The following SPATA6L variants were observed in gnomAD, a reference collection of about 807,000 sequenced individuals.
The protein encoded by SPATA6L is spermatogenesis associated 6 like, also known as spermatogenesis associated 6-like protein.
In SPATA6L, 68 loss-of-function variants were observed where a neutral mutation model predicts 49.2. The observed-to-expected ratio is 1.38, with a 90% CI of 1.14 to 1.69. The LOEUF is 1.69. SPATA6L is among the 40% of genes most tolerant of loss of function. SPATA6L has a pLI of 0.00. For synonymous variants in SPATA6L, 198 were observed against 165.7 expected (o/e 1.19, Z -1.50); for missense variants, 668 against 464.3 (o/e 1.44, Z -4.03).
At chr9:4,659,395 G>C (rs955676066) in intron 2 of SPATA6L, among the ~76,000 whole-genome samples, 7 of 151,698 alleles carry the variant, frequency 4.6e-5, no homozygotes, top group African/African-American at 1.7e-4. Flanking sequence ...GACAAACAGA[G>C]AGCGAAATCA....
chr9:4,656,483 A>G (rs1838242740), intron 2 of SPATA6L, among the ~76,000 whole-genome samples: 1 of 148,404 alleles, frequency 6.7e-6, no homozygotes, highest in Non-Finnish European at 1.5e-5. Flanking sequence ...GAAGGAAGGA[A>G]GGAAGGAAGG....
In SPATA6L at chr9:4,635,325, G is replaced by A. The variant is rs201403770; in HGVS notation, c.301C>T (p.His101Tyr). The A allele has an allele frequency of 1.9e-5, 30 of 1,590,100 alleles. No individual in the cohort carries two copies. Among genetic ancestry groups the A allele is most frequent in the African/African-American group, 4.1e-5 (3 of 72,878 alleles). ...LFPEPKLTPS[H>Y]PRRCREVLMK... The stretch of plus-strand genomic sequence containing the variant: ...AGCACCTCCCTACACCTCCTAGGGT[G>A]CGAAGGTGTCAGCTTGGGCTCTGGG... The change falls in exon 4 of 12, where the codon CAC becomes TAC. Residue 101 changes from histidine (H) to tyrosine (Y), a missense_variant. By Grantham distance (83) the His-to-Tyr change is moderately conservative. Coordinates refer to ENST00000682582, the MANE Select transcript of SPATA6L (RefSeq NM_001353486.2).
At chr9:4,645,108 C>G (rs1477868076) in intron 3 of SPATA6L, among the ~76,000 whole-genome samples, 1 of 152,182 alleles carries the variant, frequency 6.6e-6, no homozygotes, top group Non-Finnish European at 1.5e-5. Flanking sequence ...TTTCACATCA[C>G]TAAATATTCA....
At chr9:4,651,170 T>C (rs1836762161) in intron 3 of SPATA6L, among the ~76,000 whole-genome samples, 1 of 151,586 alleles carries the variant, frequency 6.6e-6, no homozygotes, top group African/African-American at 2.4e-5. Context: ...ACCCCACTAA[T>C]TGTTGTTGTT....
chr9:4,603,733 G>A (rs767352951), intron 11 of SPATA6L, among the ~76,000 whole-genome samples: 1 of 152,130 alleles, frequency 6.6e-6, no homozygotes, highest in Non-Finnish European at 1.5e-5. Flanking sequence ...ATTTATGAAG[G>A]AAAAATGCTG....
At chr9:4,605,256 T>C (rs1824458327) in intron 10 of SPATA6L, 91 bp downstream of exon 10, 2 of 958,936 alleles carry the variant, frequency 2.1e-6, no homozygotes, top group Middle Eastern at 2.2e-4. Flanking sequence ...CTGTGGTTAT[T>C]TGATTAATGT....
Position 4,598,881 on chromosome 9 carries a change from G to T in SPATA6L, c.*1930C>A, listed in dbSNP as rs17814462. Among the ~76,000 whole-genome samples, 3,410 of 152,356 alleles carry T rather than the reference G, an allele frequency of 0.022. 50 individuals are homozygous for T. Among genetic ancestry groups the T allele is most frequent in the Non-Finnish European group, 0.035 (2,394 of 68,040 alleles). ...TTAGCATATGTAATTTAAGCTTGCT[G>T]TTGGCCTTGCCAAGGTGGAATGCTG... On this transcript the variant is annotated 3_prime_UTR_variant, in exon 12 of 12. Transcript: ENST00000682582.
At chr9:4,636,307 T>C (rs1832796953) in intron 3 of SPATA6L, among the ~76,000 whole-genome samples, 2 of 152,196 alleles carry the variant, frequency 1.3e-5, no homozygotes. Context: ...ACCACTTTCA[T>C]TTTTCCTTTA....
chr9:4,666,198 C>A lies in SPATA6L; in HGVS notation c.39+14G>T, dbSNP rs1036410961. 1 of 1,614,000 alleles carries A rather than the reference C, an allele frequency of 6.2e-7. No individual in the cohort carries two copies. The highest frequency in any genetic ancestry group is 8.5e-7 in the Non-Finnish European group (1 of 1,179,942). ...GACTTGAGGTTAAGGAGGGGGAGTT[C>A]ATCGATCTCTTACCGCCCGGATCTG... On this transcript the variant is annotated intron_variant, in intron 1 of 11. Coordinates refer to ENST00000682582, the MANE Select transcript of SPATA6L (RefSeq NM_001353486.2).
chr9:4,611,050 CTCA>C (rs1214178607), intron 9 of SPATA6L, among the ~76,000 whole-genome samples: 1 of 147,844 alleles, frequency 6.8e-6, no homozygotes, highest in Non-Finnish European at 1.5e-5. Flanking sequence ...TGAAAAAATG[CTCA>C]TCATCACTGG....
intron 9 of SPATA6L, among the ~76,000 whole-genome samples, chr9:4,607,053 G>T (rs898374054): frequency 6.6e-6 from 1 of 151,060 alleles, no homozygotes; most frequent in African/African-American, 2.5e-5. Context: ...AGCGATGGAA[G>T]ATGAAATGAA....
rs1163709388 is a variant in SPATA6L at position 4,600,472 on chromosome 9, A to C, written c.*339T>G. The C allele has an allele frequency of 1.3e-4, 20 of 148,412 alleles. No homozygotes were observed. Among genetic ancestry groups the C allele is most frequent in the African/African-American group, 2.7e-4 (11 of 40,270 alleles). 9.2% of individuals were successfully genotyped at this position (148,412 alleles called of 1,614,324 possible). A position where few individuals can be genotyped will look rare whatever the true frequency, so the allele number is the denominator to read the frequency against. On this transcript the variant is annotated 3_prime_UTR_variant, in exon 12 of 12. Coordinates refer to ENST00000682582, the MANE Select transcript of SPATA6L (RefSeq NM_001353486.2). Reference sequence around the variant, plus strand: ...TATATAATTAATTTGAGAGAGAGAGACAGAGAGAGCCAGAGAGAGCCAGAG... The same window carrying C: ...TATATAATTAATTTGAGAGAGAGAGCCAGAGAGAGCCAGAGAGAGCCAGAG...
At chr9:4,621,730 T>A (rs4742017) in intron 7 of SPATA6L, among the ~76,000 whole-genome samples, 10,723 of 152,262 alleles carry the variant, frequency 0.07, 527 homozygotes, top group East Asian at 0.26. Context: ...TCAGGTGATC[T>A]GCCTGCCTCG....
At chr9:4,644,082 C>T (rs1834679389) in intron 3 of SPATA6L, among the ~76,000 whole-genome samples, 1 of 146,998 alleles carries the variant, frequency 6.8e-6, no homozygotes, top group Non-Finnish European at 1.5e-5. Context: ...CATGGTGGCT[C>T]ATGCCTATAA....
chr9:4,656,069 A>T lies in SPATA6L; in HGVS notation c.198T>A (p.Asp66Glu). 1 of 1,613,064 alleles carries T rather than the reference A, an allele frequency of 6.2e-7. No individual in the cohort carries two copies. The highest frequency in any genetic ancestry group is 1.1e-5 in the South Asian group (1 of 90,884). The change falls in exon 3 of 12, where the codon GAT becomes GAA. Residue 66 changes from aspartate (D) to glutamate (E), a missense_variant. Transcript: ENST00000682582. The part of the protein sequence containing the change: ...RFEKVFESAV[D>E]PGAVVDLLEM... ...CCAAAAGGTCTACTACAGCTCCAGG[A>T]TCTACTGCACTTTCAAATACCTGCA... is the stretch of plus-strand genomic sequence containing the variant.
chr9:4,634,949 T>C (rs527656529), intron 4 of SPATA6L, among the ~76,000 whole-genome samples: 16 of 152,336 alleles, frequency 1.1e-4, no homozygotes, highest in African/African-American at 3.1e-4. Flanking sequence ...TAAAGATAAC[T>C]ACTGTCGCTA....
rs73393886 is a variant in SPATA6L, at chr9:4,650,518, C to T, written c.226+5523G>A. 8.3e-3 allele frequency among the ~76,000 whole-genome samples: 1,262 copies of T among 152,206 alleles called. 12 individuals are homozygous for T. Among genetic ancestry groups the T allele is most frequent in the African/African-American group, 0.028 (1,180 of 41,524 alleles). On this transcript the variant is annotated intron_variant, in intron 3 of 11. Transcript: ENST00000682582. ...AGAAAAGCAACACAGAAAATCAATA[C>T]ATCTAAAAGTTGGTTGTTTAAAATG...
At chr9:4,598,292 A>G (rs1459472914), downstream of SPATA6L, among the ~76,000 whole-genome samples, 3 of 152,246 alleles carry the variant, frequency 2.0e-5, no homozygotes, top group East Asian at 5.8e-4. Flanking sequence ...AAGGAATTAT[A>G]AACTGAAGCA....
At chr9:4,631,420 T>C (rs891455669) in intron 4 of SPATA6L, among the ~76,000 whole-genome samples, 2 of 152,126 alleles carry the variant, frequency 1.3e-5, no homozygotes, top group African/African-American at 2.4e-5. Context: ...ATTATTATCT[T>C]TTATTATCTA....
Sources: gnomAD v4.1 joint callset for allele counts (sites outside exome capture counted in the v4.1 genomes callset) on GRCh38, gnomAD v4.1.1 for gene constraint, MANE v1.5 for transcripts, NCBI Gene and HGNC (gene_info 2026-07-23, HGNC 2026-07-21) for gene names.